Variants in ALG9 observed in about 807,000 individuals in gnomAD.
ALG9 encodes ALG9 alpha-1,2-mannosyltransferase, also known as alpha-1,2-mannosyltransferase ALG9.
In ALG9, 55 loss-of-function variants were observed where a neutral mutation model predicts 81.8. The ratio of observed to expected loss-of-function variants is 0.67; its 90% CI spans 0.54 to 0.84. The LOEUF (loss-of-function observed/expected upper bound fraction) is 0.84, where lower values mean the gene tolerates loss of function less well. Ranked by LOEUF, ALG9 falls within the 40% of genes least tolerant of loss-of-function variation. The pLI is 0.00. For missense variants in ALG9, 629 were observed against 745.0 expected (o/e 0.84, Z 1.81); for synonymous variants, 278 against 274.3 (o/e 1.01, Z -0.13).
intron 10 of ALG9, among the ~76,000 whole-genome samples, chr11:111,838,790 C>CA: frequency 6.6e-6 from 1 of 151,760 alleles, no homozygotes; most frequent in East Asian, 1.9e-4. Flanking sequence ...CTATTAGTAT[C>CA]AAAAAAAGGT....
intron 13 of ALG9, among the ~76,000 whole-genome samples, chr11:111,812,488 G>A (rs1387927500): frequency 3.3e-5 from 5 of 151,762 alleles, no homozygotes; most frequent in African/African-American, 1.2e-4. Flanking sequence ...AATTGCTTGA[G>A]CCCAGGAGGT....
At chr11:111,777,465 A>G (rs1490051369), downstream of ALG9, among the ~76,000 whole-genome samples, 1 of 152,150 alleles carries the variant, frequency 6.6e-6, no homozygotes, top group Non-Finnish European at 1.5e-5. Flanking sequence ...TGAGAATAGG[A>G]TGCCCTCTGC....
intron 14 of ALG9, among the ~76,000 whole-genome samples, chr11:111,797,552 C>T (rs1948483366): frequency 2.0e-5 from 3 of 152,360 alleles, no homozygotes; most frequent in Admixed American, 6.5e-5. Context: ...TGTTGTTTTA[C>T]GCCACTAAGT....
At chr11:111,823,666 G>C (rs1221818414) in intron 13 of ALG9, among the ~76,000 whole-genome samples, 1 of 152,162 alleles carries the variant, frequency 6.6e-6, no homozygotes, top group African/African-American at 2.4e-5. Flanking sequence ...TCATCTCTAA[G>C]AGCTTTAGCA....
chr11:111,831,500 A>AAAAAC (rs1315274219), intron 13 of ALG9, among the ~76,000 whole-genome samples: 1 of 152,202 alleles, frequency 6.6e-6, no homozygotes, highest in Non-Finnish European at 1.5e-5. Context: ...CCTGCCTCTG[A>AAAAAC]AAAACAAAAC....
chr11:111,869,855 A>G (rs535765351), intron 2 of ALG9, among the ~76,000 whole-genome samples: 1 of 151,892 alleles, frequency 6.6e-6, no homozygotes, highest in Admixed American at 6.5e-5. Context: ...TCTGTTGCCC[A>G]GGCTGGAGTG....
At chr11:111,835,059 T>A (rs778757621) in intron 13 of ALG9, among the ~76,000 whole-genome samples, 3 of 151,444 alleles carry the variant, frequency 2.0e-5, no homozygotes, top group Non-Finnish European at 4.4e-5. Flanking sequence ...AGCCCCAATC[T>A]GGGAGACAAA....
intron 14 of ALG9, among the ~76,000 whole-genome samples, chr11:111,806,347 C>G (rs1949931005): frequency 6.6e-6 from 1 of 152,168 alleles, no homozygotes; most frequent in Non-Finnish European, 1.5e-5. Context: ...TCTCCAGTCC[C>G]TACACCCCCA....
chr11:111,852,327 C>G (rs1957953378), intron 8 of ALG9, among the ~76,000 whole-genome samples: 1 of 152,196 alleles, frequency 6.6e-6, no homozygotes, highest in Non-Finnish European at 1.5e-5. Flanking sequence ...TCCAAAAGAT[C>G]TCTAGCTCAT....
chr11:111,850,617 G>A (rs1957613125), intron 8 of ALG9, among the ~76,000 whole-genome samples: 1 of 145,608 alleles, frequency 6.9e-6, no homozygotes, highest in African/African-American at 2.5e-5. Flanking sequence ...TGAGGCAGGC[G>A]AATAGCTTGA....
intron 13 of ALG9, among the ~76,000 whole-genome samples, chr11:111,835,238 A>T (rs1454157992): frequency 6.6e-6 from 1 of 152,242 alleles, no homozygotes; most frequent in Non-Finnish European, 1.5e-5. Flanking sequence ...GTGCTTTCTA[A>T]TAATTCTAGA....
chr11:111,776,898 T>C, the ALG9 span, among the ~76,000 whole-genome samples: 1 of 152,228 alleles, frequency 6.6e-6, no homozygotes, highest in Non-Finnish European at 1.5e-5. Flanking sequence ...GCCTTTCACT[T>C]TACTGGGCTC....
the ALG9 span, among the ~76,000 whole-genome samples, chr11:111,775,983 TC>T: frequency 1.1e-4 from 17 of 152,186 alleles, 1 homozygote; most frequent in East Asian, 3.1e-3. Flanking sequence ...AGTTTCCCCA[TC>T]TATAAAAGGA....
chr11:111,829,975 A>T (rs1954072413), intron 13 of ALG9, among the ~76,000 whole-genome samples: 1 of 152,252 alleles, frequency 6.6e-6, no homozygotes, highest in Non-Finnish European at 1.5e-5. Context: ...GAAAATAGGT[A>T]ATGGGATAAG....
chr11:111,780,165 C>T (rs1945849391), downstream of ALG9, among the ~76,000 whole-genome samples: 1 of 152,166 alleles, frequency 6.6e-6, no homozygotes, highest in Admixed American at 6.5e-5. Context: ...CTGACCCAAA[C>T]TTGTTCAGAA....
chr11:111,781,946 C>T (rs1231414183), downstream of ALG9, among the ~76,000 whole-genome samples: 1 of 152,198 alleles, frequency 6.6e-6, no homozygotes, highest in Non-Finnish European at 1.5e-5. Flanking sequence ...ACGCCTGGCC[C>T]ATATATTAAT....
intron 13 of ALG9, among the ~76,000 whole-genome samples, chr11:111,831,795 AAAG>A (rs1391728999): frequency 6.6e-6 from 1 of 152,250 alleles, no homozygotes; most frequent in African/African-American, 2.4e-5. Context: ...AAGCAGGGAT[AAAG>A]AAGAATGAAA....
chr11:111,769,098 G>T, the ALG9 span: 2 of 150,290 alleles, frequency 1.3e-5, no homozygotes, highest in Non-Finnish European at 3.0e-5. Context: ...TTGAGCTCAC[G>T]GGTTCAAGAC....
At position 111,840,714 on chromosome 11, in the gene ALG9, G is replaced by T. The variant is rs1956089832; in HGVS notation, c.1114C>A (p.Leu372Ile). The change falls in exon 10 of 15, where the codon CTT (leucine) becomes ATT (isoleucine). Residue 372 changes from leucine to isoleucine, a missense_variant. Physicochemically the swap from Leu to Ile is conservative, Grantham distance 5 (BLOSUM62 2). Transcript: ENST00000616540. ...CATATAAGTGGATACACAGGGAAAA[G>T]AAATCTCTCCTCTTTGTGAGGCTGG... ...FIQPHKEERF[L>I]FPVYPLICLC... 1 of 1,614,048 alleles carries T rather than the reference G, an allele frequency of 6.2e-7. No individual in the cohort carries two copies. The highest frequency in any genetic ancestry group is 8.5e-7 in the Non-Finnish European group (1 of 1,179,978).
Sources: gnomAD v4.1 joint callset for allele counts (sites outside exome capture counted in the v4.1 genomes callset) on GRCh38, gnomAD v4.1.1 for gene constraint, MANE v1.5 for transcripts, NCBI Gene and HGNC (gene_info 2026-07-23, HGNC 2026-07-21) for gene names.